TANC2: variants seen among roughly 807,000 people sequenced by gnomAD.
TANC2 encodes tetratricopeptide repeat, ankyrin repeat and coiled-coil containing 2, also known as protein TANC2.
TANC2 carries 26 observed loss-of-function variants against 210.5 expected under a neutral mutation model. That is an observed-to-expected ratio of 0.12 (90% CI 0.09 to 0.17). TANC2 has a LOEUF of 0.17. Ranked by LOEUF, TANC2 falls within the 10% of genes least tolerant of loss-of-function variation. The pLI, the probability that TANC2 is intolerant of heterozygous loss-of-function variation, is 1.00. For synonymous variants in TANC2, 931 were observed against 967.1 expected (o/e 0.96, Z 0.69); for missense variants, 2,129 against 2,608.9 (o/e 0.82, Z 4.01).
At chr17:63,125,535 A>C (rs551766527) in intron 4 of TANC2, among the ~76,000 whole-genome samples, 1 of 152,314 alleles carries the variant, frequency 6.6e-6, no homozygotes, top group East Asian at 1.9e-4. Flanking sequence ...ACATGCCTGG[A>C]TTTAGAAAAC....
chr17:63,088,610 C>G (rs1318012710), intron 3 of TANC2: 1 of 152,182 alleles, frequency 6.6e-6, no homozygotes, highest in African/African-American at 2.4e-5. Context: ...GTAAAATCAG[C>G]GCTCCTACTA....
At chr17:62,974,160 T>C (rs2031867724) in intron 1 of TANC2, among the ~76,000 whole-genome samples, 1 of 152,256 alleles carries the variant, frequency 6.6e-6, no homozygotes, top group Admixed American at 6.5e-5. Flanking sequence ...TAATTCCTTC[T>C]ATTTACTGAG....
In TANC2 at chr17:63,037,588, C is replaced by T. The variant is rs556160937; in HGVS notation, c.67+27962C>T. 5.3e-5 allele frequency among the ~76,000 whole-genome samples: 8 copies of T among 151,956 alleles called. No homozygotes were observed. In the East Asian group the frequency reaches 1.2e-3, roughly 22 times the overall value. ...CAGCACTTTAGGAGGCTGAGGCAGG[C>T]GGATTACCTGAGGTCAGGAGTTCAA... On this transcript the variant is annotated intron_variant, in intron 2 of 27. Coordinates refer to ENST00000689528, the Ensembl canonical transcript of TANC2.
At chr17:63,175,799 C>T (rs903846396) in intron 5 of TANC2, among the ~76,000 whole-genome samples, 2 of 151,908 alleles carry the variant, frequency 1.3e-5, no homozygotes, top group African/African-American at 2.4e-5. Flanking sequence ...ATAAATAAAC[C>T]CTTACTACTA....
chr17:63,385,200 A>G (rs1035317609), intron 15 of TANC2, among the ~76,000 whole-genome samples: 1 of 152,200 alleles, frequency 6.6e-6, no homozygotes, highest in African/African-American at 2.4e-5. Flanking sequence ...TCCTTCAACC[A>G]TCATATGTAA....
At chr17:63,239,553 T>C (rs1403828035) in intron 8 of TANC2, among the ~76,000 whole-genome samples, 1 of 152,170 alleles carries the variant, frequency 6.6e-6, no homozygotes, top group Non-Finnish European at 1.5e-5. Context: ...ATAGGGGAAA[T>C]GGCTCATCTG....
chr17:63,042,194 T>C (rs2035215368), intron 2 of TANC2, among the ~76,000 whole-genome samples: 1 of 152,064 alleles, frequency 6.6e-6, no homozygotes, highest in Non-Finnish European at 1.5e-5. Flanking sequence ...ATTTAAATGG[T>C]AATAGGTCAA....
intron 11 of TANC2, among the ~76,000 whole-genome samples, chr17:63,327,558 A>G (rs1029404958): frequency 2.6e-5 from 4 of 152,196 alleles, no homozygotes; most frequent in Non-Finnish European, 5.9e-5. Flanking sequence ...GTTGAACCCA[A>G]CAATCCCATT....
intron 9 of TANC2, among the ~76,000 whole-genome samples, chr17:63,269,704 G>T (rs577549640): frequency 4.5e-4 from 68 of 152,172 alleles, no homozygotes; most frequent in African/African-American, 1.5e-3. Flanking sequence ...AGTATCTGAA[G>T]ATTTAATAAG....
Position 63,016,392 on chromosome 17 carries a change from T to C in TANC2, c.67+6766T>C, listed in dbSNP as rs1598259055. The stretch of plus-strand genomic sequence containing the variant: ...CACTTCGAGACCAGCCTGGCCAATA[T>C]GGTGAAACCCTGTCTCTACAAAAAA... On this transcript the variant is annotated intron_variant, in intron 2 of 27. Transcript: ENST00000689528. 2.0e-5 allele frequency among the ~76,000 whole-genome samples: 3 copies of C among 152,330 alleles called. No individual in the cohort carries two copies. In the East Asian group the frequency reaches 5.8e-4, roughly 29 times the overall value.
intron 1 of TANC2, among the ~76,000 whole-genome samples, chr17:62,992,945 C>T (rs1426167218): frequency 1.3e-5 from 2 of 152,152 alleles, no homozygotes; most frequent in East Asian, 1.9e-4. Flanking sequence ...ACCTGTGTTC[C>T]GTCTGGAGAC....
At chr17:63,099,782 T>C (rs1280932134) in intron 4 of TANC2, among the ~76,000 whole-genome samples, 1 of 152,130 alleles carries the variant, frequency 6.6e-6, no homozygotes, top group East Asian at 1.9e-4. Context: ...GTATATTTTA[T>C]ATATTTTTTT....
intron 19 of TANC2, 49 bp downstream of exon 19, chr17:63,398,963 C>A: frequency 7.5e-7 from 1 of 1,336,920 alleles, no homozygotes; most frequent in South Asian, 1.3e-5. Flanking sequence ...TTTGTGTGGA[C>A]TCTCGAATCT....
At chr17:63,139,259 C>T (rs1490151831) in intron 4 of TANC2, among the ~76,000 whole-genome samples, 1 of 152,152 alleles carries the variant, frequency 6.6e-6, no homozygotes, top group Non-Finnish European at 1.5e-5. Context: ...CTTAAATGCA[C>T]TTGCCTAAAT....
At chr17:63,163,527 A>T (rs1166275005) in intron 5 of TANC2, among the ~76,000 whole-genome samples, 1 of 152,216 alleles carries the variant, frequency 6.6e-6, no homozygotes, top group African/African-American at 2.4e-5. Flanking sequence ...GTAGGATTTT[A>T]AGCTGGAGTG....
At chr17:63,104,029 A>G (rs1386299340) in intron 4 of TANC2, among the ~76,000 whole-genome samples, 2 of 152,132 alleles carry the variant, frequency 1.3e-5, no homozygotes, top group Non-Finnish European at 2.9e-5. Flanking sequence ...GAAGAAAATC[A>G]AGGTTTAGTG....
chr17:63,146,978 G>GCAACAACAACAA (rs564752153), intron 4 of TANC2, among the ~76,000 whole-genome samples: 1 of 151,584 alleles, frequency 6.6e-6, no homozygotes, highest in Non-Finnish European at 1.5e-5. Flanking sequence ...TTAAAAAACA[G>GCAACAACAACAA]CAACAACAAC....
intron 2 of TANC2, among the ~76,000 whole-genome samples, chr17:63,050,808 CA>C: frequency 6.6e-6 from 1 of 152,206 alleles, no homozygotes; most frequent in Non-Finnish European, 1.5e-5. Flanking sequence ...ATGATAGGGA[CA>C]AAAGTCTTAT....
chr17:63,354,914 T>A, exon 14 of TANC2: 1 of 1,613,826 alleles, frequency 6.2e-7, no homozygotes, highest in Non-Finnish European at 8.5e-7. Context: ...AGAATAACAT[T>A]TCACTTAATG....
Sources: allele counts gnomAD v4.1 joint callset (sites outside exome capture counted in the v4.1 genomes callset), GRCh38; gene constraint gnomAD v4.1.1; transcripts MANE v1.5; gene names NCBI Gene and HGNC (gene_info 2026-07-23, HGNC 2026-07-21).